Variants in PCDHGC3 observed in about 807,000 individuals in gnomAD.
PCDHGC3 encodes the protein protocadherin gamma-C3.
A neutral mutation model predicts 59.2 loss-of-function variants in PCDHGC3; 26 were observed. The observed-to-expected ratio is 0.44, with a 90% CI of 0.32 to 0.61. PCDHGC3 has a LOEUF of 0.61. PCDHGC3 is among the 20% of genes least tolerant of loss of function. PCDHGC3 has a pLI of 0.05. For synonymous variants in PCDHGC3, 487 were observed against 519.7 expected (o/e 0.94, Z 0.86); for missense variants, 1,080 against 1,221.8 (o/e 0.88, Z 1.73).
intron 3 of PCDHGC3, among the ~76,000 whole-genome samples, chr5:141,506,833 C>A (rs1462038297): frequency 1.3e-5 from 2 of 152,092 alleles, no homozygotes; most frequent in African/African-American, 4.8e-5. Context: ...AACTGATAGC[C>A]CTGCCCTCCA....
chr5:141,485,821 T>C lies in PCDHGC3; in HGVS notation c.2430+7275T>C, dbSNP rs765768266. 4 of 1,614,134 alleles carry C rather than the reference T, an allele frequency of 2.5e-6. No homozygotes were observed. Among genetic ancestry groups the C allele is most frequent in the Admixed American group, 1.7e-5 (1 of 60,014 alleles). ...ACCGCCTGGTGCTGACTGCTGTCGATGGAGGGAACCCGCCGAGATCTGGCA... is the reference window on the plus strand; with the variant it reads ...ACCGCCTGGTGCTGACTGCTGTCGACGGAGGGAACCCGCCGAGATCTGGCA... On this transcript the variant is annotated intron_variant, in intron 1 of 3. Coordinates refer to ENST00000308177, the MANE Select transcript of PCDHGC3 (RefSeq NM_002588.4). This position sits in a 1 kb window ranked among gnomAD's most constrained non-coding sequence, Gnocchi z 5.7.
rs958652662 is a variant in PCDHGC3, at chr5:141,494,839, T to C, written c.2463T>C (p.Ser821=). 6.2e-7 allele frequency: 1 copy of C among 1,614,106 alleles called. No individual in the cohort carries two copies. Among genetic ancestry groups the C allele is most frequent in the Non-Finnish European group, 8.5e-7 (1 of 1,180,016 alleles). ...QAPPNTDWRF[S]QAQRPGTSGS... ...CGCCCAACACGGACTGGCGTTTCTC[T>C]CAGGCCCAGAGACCCGGCACCAGCG... The change falls in exon 2 of 4, where the codon TCT becomes TCC. Residue 821 remains serine (S), a synonymous_variant. Coordinates refer to ENST00000308177, the MANE Select transcript of PCDHGC3 (RefSeq NM_002588.4).
rs1486983629 is a variant in PCDHGC3, at chr5:141,478,076, C to G, written c.1960C>G (p.Pro654Ala). 1.2e-6 allele frequency: 2 copies of G among 1,614,106 alleles called. No homozygotes were observed. Among genetic ancestry groups the G allele is most frequent in the Non-Finnish European group, 1.7e-6 (2 of 1,180,040 alleles). Residue 654 changes from proline (P) to alanine (A), a missense_variant, in exon 1 of 4, where the codon CCT becomes GCT. By Grantham distance (27) the Pro-to-Ala change is conservative. Transcript: ENST00000308177. ...GGTCTTGATCAAAGACAATGGGGAG[C>G]CTTCGCTCTCCACCACTGCTACCCT... ...LTVLIKDNGE[P>A]SLSTTATLTV...
intron 2 of PCDHGC3, among the ~76,000 whole-genome samples, chr5:141,496,486 C>T (rs186488143): frequency 1.3e-5 from 2 of 152,322 alleles, no homozygotes; most frequent in East Asian, 3.9e-4. Flanking sequence ...CTGCAACCAA[C>T]CAAACCCTTG....
At chr5:141,505,344 AGCT>A in intron 2 of PCDHGC3, 46 bp from the exon 3 acceptor site, 1 of 1,613,046 alleles carries the variant, frequency 6.2e-7, no homozygotes, top group South Asian at 1.1e-5. Flanking sequence ...GAGGGGCATG[AGCT>A]GTGCCGGCCT....
chr5:141,490,945 C>T lies in PCDHGC3; in HGVS notation c.2431-3862C>T, dbSNP rs2099706308. On this transcript the variant is annotated intron_variant, in intron 1 of 3. Transcript: ENST00000308177. This position sits in a 1 kb window ranked among gnomAD's most constrained non-coding sequence, Gnocchi z 5.4. ...TGCCCCAGCTGTGCTGCACCCACGG[C>T]CAGACTGGGAACACTCAGCCCCCCA... The T allele has an allele frequency of 6.2e-7, 1 of 1,613,434 alleles. No homozygotes were observed. Among genetic ancestry groups the T allele is most frequent in the South Asian group, 1.1e-5 (1 of 91,010 alleles).
chr5:141,490,488 C>A lies in PCDHGC3; in HGVS notation c.2431-4319C>A, dbSNP rs142637733. 6.2e-7 allele frequency: 1 copy of A among 1,614,018 alleles called. No homozygotes were observed. Among genetic ancestry groups the A allele is most frequent in the African/African-American group, 1.3e-5 (1 of 74,904 alleles). ...CCAGCCAGCCTTTGGACCGGGAGGC[C>A]ACATCCCACTATATCATCGAGCTGC... On this transcript the variant is annotated intron_variant, in intron 1 of 3. Coordinates refer to ENST00000308177, the MANE Select transcript of PCDHGC3 (RefSeq NM_002588.4). The surrounding 1 kb of genome is among the most constrained non-coding windows in gnomAD (Gnocchi z 5.4).
intron 3 of PCDHGC3, 77 bp downstream of exon 3, chr5:141,505,558 C>T (rs945428797): frequency 3.7e-6 from 6 of 1,605,016 alleles, no homozygotes; most frequent in African/African-American, 1.3e-5. Context: ...ACCATGCCCA[C>T]GGACTGGATG....
In PCDHGC3 at chr5:141,491,737, G is replaced by A; in HGVS notation, c.2431-3070G>A. The A allele has an allele frequency of 6.2e-7, 1 of 1,600,586 alleles. No homozygotes were observed. Among genetic ancestry groups the A allele is most frequent in the Non-Finnish European group, 8.5e-7 (1 of 1,174,266 alleles). On this transcript the variant is annotated intron_variant, in intron 1 of 3. Coordinates refer to ENST00000308177, the MANE Select transcript of PCDHGC3 (RefSeq NM_002588.4). This position sits in a 1 kb window ranked among gnomAD's most constrained non-coding sequence, Gnocchi z 6.9. ...GGCGCCGCCCCGGGCGACCCCTGGG[G>A]GCGGCACTGGAGAAGCCGCCCGTCC...
At chr5:141,505,239 G>A (rs2099844708) in intron 2 of PCDHGC3, 154 bp from the exon 3 acceptor site, 1 of 886,092 alleles carries the variant, frequency 1.1e-6, no homozygotes, top group Middle Eastern at 5.9e-4. Context: ...GCTTCTGAAG[G>A]ATTGTAGAAG....
Position 141,490,900 on chromosome 5 carries a change from G to A in PCDHGC3, c.2431-3907G>A, listed in dbSNP as rs2099705863. 2 of 1,613,796 alleles carry A rather than the reference G, an allele frequency of 1.2e-6. No individual in the cohort carries two copies. The highest frequency in any genetic ancestry group is 2.7e-5 in the African/African-American group (2 of 75,050). ...TGCCAACACATCTCTGCATGTGTTT[G>A]TCCTAGACGAGAATGATAATGCCCC... On this transcript the variant is annotated intron_variant, in intron 1 of 3. Transcript: ENST00000308177. The surrounding 1 kb of genome is among the most constrained non-coding windows in gnomAD (Gnocchi z 5.4).
At position 141,476,503 on chromosome 5, in the gene PCDHGC3, C is replaced by T. The variant is rs1259213742; in HGVS notation, c.387C>T (p.Asn129=). 2 of 1,614,138 alleles carry T rather than the reference C, an allele frequency of 1.2e-6. No individual in the cohort carries two copies. ...FSVEVVIQDI[N]DNNPAFPTQE... is the part of the protein sequence containing the mutation. ...TGGAAGTGGTGATCCAGGACATCAA[C>T]GACAACAATCCTGCTTTCCCTACCC... The change falls in exon 1 of 4, where the codon AAC becomes AAT. Residue 129 remains asparagine (N), a synonymous_variant. Transcript: ENST00000308177. The surrounding 1 kb of genome is among the most constrained non-coding windows in gnomAD (Gnocchi z 7.6).
intron 2 of PCDHGC3, among the ~76,000 whole-genome samples, chr5:141,503,275 C>T (rs1466636672): frequency 1.3e-5 from 2 of 152,108 alleles, no homozygotes; most frequent in Non-Finnish European, 2.9e-5. Context: ...GCACCTGGCT[C>T]TGTGTCTGGT....
intron 2 of PCDHGC3, among the ~76,000 whole-genome samples, chr5:141,500,942 C>T (rs937418207): frequency 2.0e-5 from 3 of 151,926 alleles, no homozygotes; most frequent in Non-Finnish European, 4.4e-5. Context: ...CATCTCGGCT[C>T]ACTGCAAGCT....
At chr5:141,502,925 C>T (rs962871271) in intron 2 of PCDHGC3, among the ~76,000 whole-genome samples, 5 of 145,518 alleles carry the variant, frequency 3.4e-5, no homozygotes, top group Non-Finnish European at 5.9e-5. Flanking sequence ...GCAGTGGCAA[C>T]CTTCACCTCC....
chr5:141,492,303 G>A (rs969991314), intron 1 of PCDHGC3, among the ~76,000 whole-genome samples: 1 of 152,202 alleles, frequency 6.6e-6, no homozygotes, highest in African/African-American at 2.4e-5. Context: ...GCGGACGCAC[G>A]CACGCACTCC....
chr5:141,495,122 C>T (rs1365586518), intron 2 of PCDHGC3, among the ~76,000 whole-genome samples: 2 of 152,282 alleles, frequency 1.3e-5, no homozygotes, highest in East Asian at 3.9e-4. Flanking sequence ...TTCCTATCCC[C>T]TGAGGGCACT....
Position 141,511,410 on chromosome 5 carries a change from T to TA in PCDHGC3, c.*238dup. On this transcript the variant is annotated 3_prime_UTR_variant, in exon 4 of 4. Coordinates refer to ENST00000308177, the MANE Select transcript of PCDHGC3 (RefSeq NM_002588.4). ...GGAACCCCCATCCAATCAACTGCTG[T>TA]ACCCATGGGGGTAGTGGGGTTACTG... The TA allele has an allele frequency of 1.1e-6, 1 of 908,822 alleles. No homozygotes were observed. The highest frequency in any genetic ancestry group is 1.6e-6 in the Non-Finnish European group (1 of 624,204). 56.3% of individuals were successfully genotyped at this position (908,822 alleles called of 1,614,324 possible).
Position 141,485,087 on chromosome 5 carries a change from T to G in PCDHGC3, c.2430+6541T>G. The G allele has an allele frequency of 2.0e-6, 2 of 1,000,176 alleles. No homozygotes were observed. The highest frequency in any genetic ancestry group is 1.5e-6 in the Non-Finnish European group (1 of 651,808). 62.0% of individuals were successfully genotyped at this position (1,000,176 alleles called of 1,614,324 possible). A position where few individuals can be genotyped will look rare whatever the true frequency, so the allele number is the denominator to read the frequency against. The stretch of plus-strand genomic sequence containing the variant: ...CAGAGCTGGCGCGGGGAAAGGGAGA[T>G]AGGTGTCTCCAGCTGCTGTGGCTGT... On this transcript the variant is annotated intron_variant, in intron 1 of 3. Transcript: ENST00000308177. This position sits in a 1 kb window ranked among gnomAD's most constrained non-coding sequence, Gnocchi z 5.7.
Sources: gnomAD v4.1 joint callset for allele counts (sites outside exome capture counted in the v4.1 genomes callset) on GRCh38, gnomAD v4.1.1 for gene constraint, Gnocchi (gnomAD v3.1) non-coding constraint, MANE v1.5 for transcripts, NCBI Gene and HGNC (gene_info 2026-07-23, HGNC 2026-07-21) for gene names.